MAP4K1: variants seen among roughly 807,000 people sequenced by gnomAD.
MAP4K1 encodes MAPK/ERK kinase kinase kinase 1.
Under a neutral mutation model 122.8 loss-of-function variants are expected in MAP4K1, and 35 were observed. The observed-to-expected ratio is 0.29, with a 90% CI of 0.22 to 0.38. The LOEUF (loss-of-function observed/expected upper bound fraction) is 0.38. MAP4K1 is among the 10% of genes least tolerant of loss of function. The probability of loss-of-function intolerance (pLI) is 1.00; values close to 1 mark genes in which losing one functional copy is unlikely to be tolerated. For synonymous variants in MAP4K1, 412 were observed against 421.3 expected (o/e 0.98, Z 0.27); for missense variants, 791 against 1,072.6 (o/e 0.74, Z 3.67).
chr19:38,590,045 A>G (rs926542642), intron 30 of MAP4K1, among the ~76,000 whole-genome samples: 2 of 151,728 alleles, frequency 1.3e-5, no homozygotes, highest in Non-Finnish European at 2.9e-5. Flanking sequence ...AAAAAGAAAA[A>G]GGGAGAAAAA....
chr19:38,613,564 A>G (rs1975562935), intron 8 of MAP4K1, among the ~76,000 whole-genome samples: 1 of 152,054 alleles, frequency 6.6e-6, no homozygotes, highest in African/African-American at 2.4e-5. Flanking sequence ...AGGCAGAGAC[A>G]GAGAGTGAGA....
intron 4 of MAP4K1, 147 bp from the exon 5 acceptor site, chr19:38,614,592 T>C (rs898060140): frequency 1.2e-6 from 1 of 814,594 alleles, no homozygotes; most frequent in Non-Finnish European, 2.0e-6. Flanking sequence ...GATGGTGGGG[T>C]GGTCAGTGAC....
chr19:38,607,772 G>T (rs1975372502), intron 16 of MAP4K1, 92 bp downstream of exon 16: 1 of 1,352,322 alleles, frequency 7.4e-7, no homozygotes, highest in African/African-American at 1.4e-5. Context: ...GGTGCAGCGG[G>T]GTCAGGAGTG....
rs1975057291 is a variant in MAP4K1 at position 38,601,331 on chromosome 19, C to T, written c.1531+110G>A. On this transcript the variant is annotated intron_variant, in intron 20 of 30. Transcript: ENST00000396857. ...TTTCAGCCTGGCCACACCCCAACTC[C>T]ATTAAGCTCCTCCCCGTCCCTGCCT... 5.2e-6 allele frequency: 5 copies of T among 963,870 alleles called. No homozygotes were observed. In the Admixed American group the frequency reaches 6.8e-5, roughly 13 times the overall value. 59.7% of individuals were successfully genotyped at this position (963,870 alleles called of 1,614,324 possible). A position where few individuals can be genotyped will look rare whatever the true frequency, so the allele number is the denominator to read the frequency against.
chr19:38,612,957 T>G (rs1204980505), intron 8 of MAP4K1, among the ~76,000 whole-genome samples: 1 of 152,138 alleles, frequency 6.6e-6, no homozygotes, highest in South Asian at 2.1e-4. Flanking sequence ...TTTGGGAGGC[T>G]GAGCAAGGAG....
At position 38,590,387 on chromosome 19, in the gene MAP4K1, AAAAAAAAATATATATATATAT is replaced by A. The variant is rs1301436376; in HGVS notation, c.2397-2591_2397-2571del. Among the ~76,000 whole-genome samples the A allele has an allele frequency of 3.4e-3, 239 of 70,766 alleles. 5 individuals are homozygous for A. The highest frequency in any genetic ancestry group is 0.011 in the South Asian group (20 of 1,856). The allele number at this position is 70,766 out of a possible 152,430, so 46.4% of individuals were successfully genotyped here. ...ATCTTGGACCAGAAAAAAAAAAAAA[AAAAAAAAATATATATATATAT>A]ATATATATATATATATATATATATA... On this transcript the variant is annotated intron_variant, in intron 30 of 30. Coordinates refer to ENST00000396857, the MANE Select transcript of MAP4K1 (RefSeq NM_001042600.3).
At chr19:38,593,164 G>A in intron 30 of MAP4K1, 118 bp downstream of exon 30, 1 of 888,410 alleles carries the variant, frequency 1.1e-6, no homozygotes, top group Non-Finnish European at 1.7e-6. Context: ...GATGGAAGCA[G>A]GGTGACCAGG....
chr19:38,611,727 C>A (rs1286694183), intron 9 of MAP4K1, among the ~76,000 whole-genome samples: 2 of 152,186 alleles, frequency 1.3e-5, no homozygotes, highest in African/African-American at 4.8e-5. Flanking sequence ...CTGAAGTGAA[C>A]TACGATCGTG....
At chr19:38,590,436 T>A (rs184182043) in intron 30 of MAP4K1, among the ~76,000 whole-genome samples, 1,761 of 110,594 alleles carry the variant, frequency 0.016, 33 homozygotes, top group Non-Finnish European at 0.02. Context: ...TATATATATA[T>A]AATCACGGGC....
intron 29 of MAP4K1, among the ~76,000 whole-genome samples, chr19:38,594,032 C>T (rs1199500502): frequency 6.6e-6 from 1 of 152,166 alleles, no homozygotes; most frequent in African/African-American, 2.4e-5. Flanking sequence ...TGCCCAAGGC[C>T]ACTCAGCTGA....
chr19:38,603,211 T>TATATACACATATAC (rs1486873136), intron 19 of MAP4K1, among the ~76,000 whole-genome samples: 2 of 148,430 alleles, frequency 1.3e-5, no homozygotes, highest in African/African-American at 2.5e-5. Context: ...TACACATACA[T>TATATACACATATAC]ATATACACAT....
chr19:38,611,744 C>T (rs1317526000), intron 9 of MAP4K1, among the ~76,000 whole-genome samples: 3 of 152,190 alleles, frequency 2.0e-5, no homozygotes, highest in South Asian at 2.1e-4. Context: ...CGTGCCGCTG[C>T]ACTCCAGCCT....
rs17847695 is a variant in MAP4K1 at position 38,589,540 on chromosome 19, C to T, written c.2397-1723G>A. On this transcript the variant is annotated intron_variant, in intron 30 of 30. Transcript: ENST00000396857. Reference sequence around the variant, plus strand: ...AAGCGCTTCTCCTGCCTCAGCCTCCCGAGTAGCTGGGATTACAGGCATGCA... The same window carrying T: ...AAGCGCTTCTCCTGCCTCAGCCTCCTGAGTAGCTGGGATTACAGGCATGCA... Among the ~76,000 whole-genome samples, 1,190 of 151,438 alleles carry T rather than the reference C, an allele frequency of 7.9e-3. 29 individuals carry two copies. The highest frequency in any genetic ancestry group is 0.058 in the East Asian group (285 of 4,946).
At chr19:38,599,185 A>G (rs1974984862) in intron 22 of MAP4K1, among the ~76,000 whole-genome samples, 1 of 145,394 alleles carries the variant, frequency 6.9e-6, no homozygotes, top group East Asian at 2.0e-4. Flanking sequence ...AAAATAAAAA[A>G]AGTAAAAAAA....
rs765756354 is a variant in MAP4K1, at chr19:38,587,704, G to C, written c.*44C>G. On this transcript the variant is annotated 3_prime_UTR_variant, in exon 31 of 31. Transcript: ENST00000396857. ...TGCCATGACCACTAGTGTGTCTATG[G>C]GGGAGGGGGTGCAAGGACTAGTTCC... The C allele has an allele frequency of 7.7e-6, 11 of 1,422,636 alleles. No individual in the cohort carries two copies. In the Admixed American group the frequency reaches 1.7e-4, roughly 22 times the overall value. The allele number at this position is 1,422,636 out of a possible 1,614,324, so 88.1% of individuals were successfully genotyped here. A position where few individuals can be genotyped will look rare whatever the true frequency, so the allele number is the denominator to read the frequency against.
chr19:38,614,634 C>A (rs1310876568), intron 4 of MAP4K1, 189 bp from the exon 5 acceptor site: 5 of 645,078 alleles, frequency 7.8e-6, no homozygotes, highest in Non-Finnish European at 1.4e-5. Flanking sequence ...TAAAAGAGGC[C>A]AATAGGCCTG....
At position 38,590,396 on chromosome 19, in the gene MAP4K1, TATATATATATATATATA is replaced by T. The variant is rs1974687499; in HGVS notation, c.2397-2596_2397-2580del. Among the ~76,000 whole-genome samples the T allele has an allele frequency of 3.8e-4, 10 of 26,348 alleles. No homozygotes were observed. The South Asian group carries it at 0.017, about 44-fold the overall frequency. 17.3% of individuals were successfully genotyped at this position (26,348 alleles called of 152,430 possible). ...CAGAAAAAAAAAAAAAAAAAAAAAATATATATATATATATATATATATATATATATATATATATATAA... is the reference window on the plus strand; with the variant it reads ...CAGAAAAAAAAAAAAAAAAAAAAAATTATATATATATATATATATATATAA... On this transcript the variant is annotated intron_variant, in intron 30 of 30. Coordinates refer to ENST00000396857, the MANE Select transcript of MAP4K1 (RefSeq NM_001042600.3).
At chr19:38,594,587 C>T (rs1974814333) in intron 29 of MAP4K1, among the ~76,000 whole-genome samples, 1 of 151,942 alleles carries the variant, frequency 6.6e-6, no homozygotes, top group Admixed American at 6.6e-5. Context: ...TTGCAGTGAG[C>T]TCGGATCATG....
At chr19:38,611,331 G>A (rs1337045618) in intron 9 of MAP4K1, 26 bp from the exon 10 acceptor site, 1 of 1,556,252 alleles carries the variant, frequency 6.4e-7, no homozygotes, top group Non-Finnish European at 8.9e-7. Flanking sequence ...AAGGACATGG[G>A]GTTCAGACCC....
Sources: gnomAD v4.1 joint callset for allele counts (sites outside exome capture counted in the v4.1 genomes callset) on GRCh38, gnomAD v4.1.1 for gene constraint, MANE v1.5 for transcripts, NCBI Gene and HGNC (gene_info 2026-07-23, HGNC 2026-07-21) for gene names.